Variants in DNAH12 observed in about 807,000 individuals in gnomAD.
DNAH12 encodes dynein axonemal heavy chain 12.
Under a neutral mutation model 371.5 loss-of-function variants are expected in DNAH12, and 285 were observed. The ratio of observed to expected loss-of-function variants is 0.77; its 90% CI spans 0.70 to 0.85. DNAH12 has a LOEUF of 0.85. DNAH12 is among the 40% of genes least tolerant of loss of function. DNAH12 has a pLI of 0.00. For synonymous variants in DNAH12, 1,200 were observed against 1,213.0 expected, an observed-to-expected ratio of 0.99 and a Z score of 0.22; for missense variants, 3,611 against 3,689.4, an observed-to-expected ratio of 0.98 and a Z score of 0.55.
intron 1 of DNAH12, 60 bp from the exon 2 acceptor site, chr3:57,542,963 C>T: frequency 1.6e-6 from 2 of 1,215,814 alleles, no homozygotes; most frequent in Non-Finnish European, 2.2e-6. Context: ...ACATTCATAA[C>T]ATATCTAACA....
At chr3:57,534,252 A>G (rs1257228895) in intron 2 of DNAH12, among the ~76,000 whole-genome samples, 3 of 152,192 alleles carry the variant, frequency 2.0e-5, no homozygotes, top group African/African-American at 4.8e-5. Flanking sequence ...GGTGATTGGT[A>G]TCAGCAATTC....
At chr3:57,510,662 G>A in intron 5 of DNAH12, 128 bp downstream of exon 5, 1 of 842,828 alleles carries the variant, frequency 1.2e-6, no homozygotes, top group Non-Finnish European at 1.8e-6. Flanking sequence ...AAGAAAAGAA[G>A]AAAAAAACCA....
At chr3:57,549,870 T>TG in the DNAH12 span, among the ~76,000 whole-genome samples, 1 of 152,018 alleles carries the variant, frequency 6.6e-6, no homozygotes, top group Non-Finnish European at 1.5e-5. Context: ...GCAGTCCTTC[T>TG]GCCTTGGCCT....
intron 55 of DNAH12, among the ~76,000 whole-genome samples, chr3:57,371,258 C>T (rs1271343415): frequency 6.6e-6 from 1 of 151,898 alleles, no homozygotes; most frequent in African/African-American, 2.4e-5. Flanking sequence ...TTTTTTTATT[C>T]TTGGAAAGCA....
chr3:57,465,903 C>T (rs2066186353), intron 17 of DNAH12, among the ~76,000 whole-genome samples: 1 of 151,786 alleles, frequency 6.6e-6, no homozygotes, highest in Non-Finnish European at 1.5e-5. Context: ...GAAAATTCTC[C>T]TAGTAGAGTA....
At chr3:57,413,368 C>T (rs1445152657) in intron 39 of DNAH12, among the ~76,000 whole-genome samples, 2 of 152,110 alleles carry the variant, frequency 1.3e-5, no homozygotes, top group African/African-American at 2.4e-5. Flanking sequence ...ATGATGGACA[C>T]ATATCATATA....
At chr3:57,547,686 G>GA (rs2069590530), upstream of DNAH12, among the ~76,000 whole-genome samples, 1 of 152,020 alleles carries the variant, frequency 6.6e-6, no homozygotes, top group South Asian at 2.1e-4. Flanking sequence ...ATAATGCAGA[G>GA]AAAAAAAGTT....
At chr3:57,502,945 G>C (rs999298406) in intron 9 of DNAH12, among the ~76,000 whole-genome samples, 1 of 152,138 alleles carries the variant, frequency 6.6e-6, no homozygotes, top group African/African-American at 2.4e-5. Context: ...CTCCCAAAGT[G>C]TTAGGATTAC....
chr3:57,389,844 C>CT (rs1206183437), intron 45 of DNAH12, among the ~76,000 whole-genome samples: 33 of 65,554 alleles, frequency 5.0e-4, no homozygotes, highest in African/African-American at 1.2e-3. Context: ...ATATATAATA[C>CT]TTTTTTTTTT....
intron 64 of DNAH12, 138 bp downstream of exon 64, chr3:57,322,869 G>T: frequency 8.0e-7 from 1 of 1,247,302 alleles, no homozygotes; most frequent in Non-Finnish European, 1.1e-6. Context: ...GGCGAAGTTT[G>T]CGGTGAGCCG....
At chr3:57,476,351 G>C (rs528574347) in intron 13 of DNAH12, among the ~76,000 whole-genome samples, 27 of 152,224 alleles carry the variant, frequency 1.8e-4, no homozygotes, top group Non-Finnish European at 3.4e-4. Flanking sequence ...AGATCATAAA[G>C]TCAGGAGTTC....
Position 57,296,929 on chromosome 3 carries a change from G to A in DNAH12, c.11450C>T (p.Thr3817Ile). The change falls in exon 71 of 74, where the codon ACT (threonine) becomes ATT (isoleucine). Residue 3817 changes from threonine to isoleucine, a missense_variant. Transcript: ENST00000495027. ...CATAGCTCCAGTTAAAAAGGCCTGA[G>A]TGAAAAAGAAACCTGACAGCCAAAA... is the stretch of plus-strand genomic sequence containing the variant. ...CVFWLSGFFF[T>I]QAFLTGAMQN... The A allele has an allele frequency of 6.4e-7, 1 of 1,551,636 alleles. No individual in the cohort carries two copies. Among genetic ancestry groups the A allele is most frequent in the Non-Finnish European group, 8.7e-7 (1 of 1,146,986 alleles).
intron 59 of DNAH12, 77 bp from the exon 60 acceptor site, chr3:57,352,302 TTTTTA>T: frequency 7.2e-7 from 1 of 1,385,758 alleles, no homozygotes; most frequent in East Asian, 2.6e-5. Context: ...ACATATACAC[TTTTTA>T]TTTTATGAAA....
chr3:57,421,587 C>CA lies in DNAH12; in HGVS notation c.5492dup (p.Pro1832AlafsTer6). ...ATTCCCATTTACCCACAGAATCTGG[C>CA]ACTGGGTTTTCATCATCTTTTCCCA... On this transcript the variant is annotated frameshift_variant, in exon 36 of 74. Transcript: ENST00000495027. LOFTEE classifies it high-confidence loss of function. The CA allele has an allele frequency of 6.4e-7, 1 of 1,551,624 alleles. No individual in the cohort carries two copies. Among genetic ancestry groups the CA allele is most frequent in the Non-Finnish European group, 8.7e-7 (1 of 1,146,974 alleles).
chr3:57,327,854 T>C (rs1436933733), intron 62 of DNAH12, among the ~76,000 whole-genome samples: 2 of 152,002 alleles, frequency 1.3e-5, no homozygotes, highest in African/African-American at 4.8e-5. Context: ...ATCAAATAGA[T>C]GCAATAAAAA....
At chr3:57,303,455 A>T (rs1333812493) in intron 69 of DNAH12, among the ~76,000 whole-genome samples, 1 of 148,604 alleles carries the variant, frequency 6.7e-6, no homozygotes, top group Non-Finnish European at 1.5e-5. Context: ...TGTGTAACAC[A>T]GGCTGGAGTG....
At chr3:57,526,518 T>C (rs568304852) in intron 2 of DNAH12, among the ~76,000 whole-genome samples, 40 of 151,610 alleles carry the variant, frequency 2.6e-4, no homozygotes, top group African/African-American at 8.9e-4. Flanking sequence ...ACTGAGGTTG[T>C]TTCCAGATCT....
intron 46 of DNAH12, 94 bp downstream of exon 46, chr3:57,386,992 G>A (rs2153345589): frequency 6.6e-6 from 1 of 152,274 alleles, no homozygotes; most frequent in Admixed American, 6.5e-5. Flanking sequence ...GTAGGAAAGG[G>A]GATAGCAGAT....
intron 62 of DNAH12, among the ~76,000 whole-genome samples, chr3:57,332,960 A>AT (rs2153305660): frequency 6.6e-6 from 1 of 152,326 alleles, no homozygotes; most frequent in East Asian, 1.9e-4. Context: ...ATCTTAAACA[A>AT]TATTTGAAAG....
Sources: allele counts gnomAD v4.1 joint callset (sites outside exome capture counted in the v4.1 genomes callset), GRCh38; gene constraint gnomAD v4.1.1; transcripts MANE v1.5; gene names NCBI Gene and HGNC (gene_info 2026-07-23, HGNC 2026-07-21).